Variants in PICALM observed in about 807,000 individuals in gnomAD.
PICALM encodes the protein phosphatidylinositol binding clathrin assembly protein, also known as phosphatidylinositol-binding clathrin assembly protein.
In PICALM, 40 loss-of-function variants were observed where a neutral mutation model predicts 80.5. The observed-to-expected ratio is 0.50, with a 90% CI of 0.39 to 0.65. The LOEUF (loss-of-function observed/expected upper bound fraction) is 0.65, where lower values mean the gene tolerates loss of function less well. Among genes scored for constraint, PICALM ranks in the 30% least tolerant of loss-of-function variants. The pLI is 0.00. For synonymous variants in PICALM, 288 were observed against 260.3 expected, an observed-to-expected ratio of 1.11 and a Z score of -1.02; for missense variants, 676 against 778.9, an observed-to-expected ratio of 0.87 and a Z score of 1.57.
intron 6 of PICALM, 74 bp downstream of exon 6, chr11:86,012,207 G>GT (rs1424298137): frequency 4.5e-5 from 34 of 755,892 alleles, no homozygotes; most frequent in Non-Finnish European, 6.7e-5. Context: ...CCAGCTTTAA[G>GT]TAACAACTCA....
intron 1 of PICALM, among the ~76,000 whole-genome samples, chr11:86,063,172 T>G (rs1340280902): frequency 6.6e-6 from 1 of 152,226 alleles, no homozygotes; most frequent in East Asian, 1.9e-4. Flanking sequence ...CAATTCTGAT[T>G]ATTAAAATAG....
At chr11:86,039,873 G>A (rs1283632240) in intron 1 of PICALM, among the ~76,000 whole-genome samples, 5 of 151,690 alleles carry the variant, frequency 3.3e-5, no homozygotes, top group South Asian at 4.2e-4. Flanking sequence ...GCATGGTGGC[G>A]GGAGCCTGTA....
intron 2 of PICALM, among the ~76,000 whole-genome samples, chr11:86,029,238 GA>G (rs924926314): frequency 3.4e-5 from 5 of 149,188 alleles, no homozygotes; most frequent in African/African-American, 4.9e-5. Context: ...TCCCCTAAGG[GA>G]AAAAAAAAAT....
chr11:85,978,032 C>A, intron 17 of PICALM: 2 of 1,560,896 alleles, frequency 1.3e-6, no homozygotes, highest in South Asian at 1.1e-5. Flanking sequence ...TAATAGCATG[C>A]CAATTTATTG....
At chr11:85,970,421 G>A (rs529089940) in intron 19 of PICALM, among the ~76,000 whole-genome samples, 16 of 152,310 alleles carry the variant, frequency 1.1e-4, no homozygotes, top group African/African-American at 2.6e-4. Flanking sequence ...TGAATATTCC[G>A]TTAACTCATT....
intron 3 of PICALM, chr11:86,023,513 C>T (rs1175678205): frequency 2.0e-6 from 2 of 984,506 alleles, no homozygotes; most frequent in African/African-American, 3.5e-5. Context: ...CGGTAAACAC[C>T]TCTCATCCTT....
At chr11:85,960,798 G>C (rs1248780773) in intron 19 of PICALM, 6 of 1,090,360 alleles carry the variant, frequency 5.5e-6, no homozygotes, top group Non-Finnish European at 6.0e-6. Context: ...AGAAGACAGA[G>C]AGAGGGAAAG....
intron 1 of PICALM, among the ~76,000 whole-genome samples, chr11:86,032,627 A>G (rs1593143541): frequency 6.6e-6 from 1 of 152,204 alleles, no homozygotes; most frequent in Admixed American, 6.5e-5. Flanking sequence ...CTCTGCCTCA[A>G]TAAAAAATGT....
intron 11 of PICALM, among the ~76,000 whole-genome samples, chr11:85,997,867 C>T (rs1173058698): frequency 6.6e-6 from 1 of 152,076 alleles, no homozygotes; most frequent in Admixed American, 6.6e-5. Flanking sequence ...AATGCAACCT[C>T]CACCTCCTGG....
intron 1 of PICALM, among the ~76,000 whole-genome samples, chr11:86,036,646 T>A (rs1180148273): frequency 6.6e-6 from 1 of 151,730 alleles, no homozygotes. Flanking sequence ...TATCCAAGAG[T>A]GAAGAGTTAA....
intron 5 of PICALM, 35 bp downstream of exon 5, chr11:86,014,835 T>A (rs1391889857): frequency 5.5e-6 from 7 of 1,272,736 alleles, no homozygotes; most frequent in Non-Finnish European, 6.6e-6. Flanking sequence ...ATGACCTAAT[T>A]TTTTAAAATC....
At position 86,069,067 on chromosome 11, in the gene PICALM, C is replaced by T. The variant is rs934689594; in HGVS notation, c.-287G>A. On this transcript the variant is annotated 5_prime_UTR_variant, in exon 1 of 20. Transcript: ENST00000393346. ...AGCCGGGCAGGGTAAGAGGAACAGGCAGCTGCAGGAAAATGGCGGCGCCAG... is the reference window on the plus strand; with the variant it reads ...AGCCGGGCAGGGTAAGAGGAACAGGTAGCTGCAGGAAAATGGCGGCGCCAG... 1.7e-5 allele frequency: 6 copies of T among 355,870 alleles called. No individual in the cohort carries two copies. Among genetic ancestry groups the T allele is most frequent in the Non-Finnish European group, 2.6e-5 (5 of 193,372 alleles). The allele number at this position is 355,870 out of a possible 1,614,324, so 22.0% of individuals were successfully genotyped here.
intron 2 of PICALM, among the ~76,000 whole-genome samples, chr11:86,028,891 T>G (rs1282631776): frequency 2.0e-5 from 3 of 151,272 alleles, no homozygotes; most frequent in Non-Finnish European, 2.9e-5. Flanking sequence ...CAGGCTGGCA[T>G]GCAAAGGTGT....
chr11:86,045,543 A>AAAAAAAAAAAAAAAAAC, intron 1 of PICALM, among the ~76,000 whole-genome samples: 1 of 148,436 alleles, frequency 6.7e-6, no homozygotes, highest in East Asian at 2.0e-4. Flanking sequence ...AAAAAAAAAA[A>AAAAAAAAAAAAAAAAAC]AAGACTCCAT....
In PICALM at chr11:86,057,027, C is replaced by T. The variant is rs112648161; in HGVS notation, c.130+11624G>A. 6.0e-3 allele frequency among the ~76,000 whole-genome samples: 906 copies of T among 152,118 alleles called. 5 individuals are homozygous for T. Among genetic ancestry groups the T allele is most frequent in the Non-Finnish European group, 7.0e-3 (474 of 67,994 alleles). ...GGGCCGAGGAGAGCTTAGGAGTGAC[C>T]GTTAACAGATACAGGATCTCTTTCT... On this transcript the variant is annotated intron_variant, in intron 1 of 19. Transcript: ENST00000393346.
intron 8 of PICALM, among the ~76,000 whole-genome samples, chr11:86,005,619 T>A (rs1295751177): frequency 2.6e-5 from 4 of 151,930 alleles, no homozygotes; most frequent in Non-Finnish European, 5.9e-5. Flanking sequence ...GTGGGAGGAT[T>A]ACTTGAGCCT....
chr11:85,987,824 G>A (rs669336), intron 13 of PICALM, among the ~76,000 whole-genome samples: 32,950 of 152,132 alleles, frequency 0.22, 3,831 homozygotes, highest in African/African-American at 0.3. Flanking sequence ...ACCTAGCAAA[G>A]TGCTAGATGT....
chr11:85,964,018 TAAA>T (rs1443816915), intron 19 of PICALM, among the ~76,000 whole-genome samples: 1 of 149,580 alleles, frequency 6.7e-6, no homozygotes, highest in African/African-American at 2.5e-5. Context: ...ACACCTAGCT[TAAA>T]GAAGGTTAAA....
chr11:86,039,932 T>C (rs984905982), intron 1 of PICALM, among the ~76,000 whole-genome samples: 7 of 123,790 alleles, frequency 5.7e-5, no homozygotes, highest in African/African-American at 2.2e-4. Flanking sequence ...TGAACCCGGG[T>C]GGCGGAGCTT....
Sources: gnomAD v4.1 joint callset for allele counts (sites outside exome capture counted in the v4.1 genomes callset) on GRCh38, gnomAD v4.1.1 for gene constraint, MANE v1.5 for transcripts, NCBI Gene and HGNC (gene_info 2026-07-23, HGNC 2026-07-21) for gene names.